The following AKAP8L variants were observed in gnomAD, a reference collection of about 807,000 sequenced individuals.
AKAP8L encodes the protein A-kinase anchoring protein 8 like.
Under a neutral mutation model 77.5 loss-of-function variants are expected in AKAP8L, and 34 were observed. The observed-to-expected ratio is 0.44, with a 90% CI of 0.33 to 0.58. The LOEUF (loss-of-function observed/expected upper bound fraction) is 0.58, where lower values mean the gene tolerates loss of function less well. Ranked by LOEUF, AKAP8L falls within the 20% of genes least tolerant of loss-of-function variation. The pLI, the probability that AKAP8L is intolerant of heterozygous loss-of-function variation, is 0.02. For missense variants in AKAP8L, 806 were observed against 887.6 expected, an observed-to-expected ratio of 0.91 and a Z score of 1.17; for synonymous variants, 342 against 340.7, an observed-to-expected ratio of 1.00 and a Z score of -0.04.
rs1967855420 is a variant in AKAP8L at position 15,399,888 on chromosome 19, G to C, written c.1048+407C>G. The C allele has an allele frequency of 6.3e-6, 2 of 318,840 alleles. No individual in the cohort carries two copies. The highest frequency in any genetic ancestry group is 4.5e-5 in the Admixed American group (1 of 22,132). 19.8% of individuals were successfully genotyped at this position (318,840 alleles called of 1,614,324 possible). A position where few individuals can be genotyped will look rare whatever the true frequency, so the allele number is the denominator to read the frequency against. On this transcript the variant is annotated intron_variant, in intron 8 of 13. Coordinates refer to ENST00000397410, the MANE Select transcript of AKAP8L (RefSeq NM_014371.4). The surrounding 1 kb of genome is among the most constrained non-coding windows in gnomAD (Gnocchi z 6.1). ...ACGGAATCCCAACAGGGGCTGGAGA[G>C]GTGCTAAGGGAGAGGATACGCACAC... is the stretch of plus-strand genomic sequence containing the variant.
chr19:15,400,217 C>G, intron 8 of AKAP8L, 78 bp downstream of exon 8: 3 of 1,492,668 alleles, frequency 2.0e-6, no homozygotes, highest in Non-Finnish European at 1.9e-6. Flanking sequence ...CTGCCGCAAC[C>G]CTGCCCTCAG....
rs1967950322 is a variant in AKAP8L, at chr19:15,403,938, A to G, written c.121+72T>C. ...TCCCCACTCCCAACCTTGGCCAAGC[A>G]GGGCAGTGGCAGAGAAACACAGCCA... On this transcript the variant is annotated intron_variant, in intron 3 of 13. Coordinates refer to ENST00000397410, the MANE Select transcript of AKAP8L (RefSeq NM_014371.4). This position sits in a 1 kb window ranked among gnomAD's most constrained non-coding sequence, Gnocchi z 4.3. 5 of 1,565,770 alleles carry G rather than the reference A, an allele frequency of 3.2e-6. No homozygotes were observed. In the South Asian group the frequency reaches 4.5e-5, roughly 14 times the overall value.
chr19:15,401,439 A>C lies in AKAP8L; in HGVS notation c.527T>G (p.Phe176Cys). Residue 176 changes from phenylalanine to cysteine, a missense_variant, in exon 5 of 14, where the codon TTC (phenylalanine) becomes TGC (cysteine). Coordinates refer to ENST00000397410, the MANE Select transcript of AKAP8L (RefSeq NM_014371.4). This position sits in a 1 kb window ranked among gnomAD's most constrained non-coding sequence, Gnocchi z 6.2. ...DQFRMRGNDT[F>C]GPRAQGWARD... Reference sequence around the variant, plus strand: ...GGCCCAGCCCTGTGCCCTGGGACCGAAGGTGTCGTTGCCACGCATGCGGAA... The same window carrying C: ...GGCCCAGCCCTGTGCCCTGGGACCGCAGGTGTCGTTGCCACGCATGCGGAA... 4 of 1,613,666 alleles carry C rather than the reference A, an allele frequency of 2.5e-6. No homozygotes were observed. Among genetic ancestry groups the C allele is most frequent in the Non-Finnish European group, 3.4e-6 (4 of 1,179,902 alleles).
chr19:15,397,361 C>A lies in AKAP8L; in HGVS notation c.1406-81G>T. 1 of 1,559,088 alleles carries A rather than the reference C, an allele frequency of 6.4e-7. No homozygotes were observed. The highest frequency in any genetic ancestry group is 8.7e-7 in the Non-Finnish European group (1 of 1,144,622). ...GTGTTCGAGAAAAAAACCACACCAG[C>A]TCCTCCTCAACTCGCCCTGCCACTT... On this transcript the variant is annotated intron_variant, in intron 11 of 13. Coordinates refer to ENST00000397410, the MANE Select transcript of AKAP8L (RefSeq NM_014371.4). The surrounding 1 kb of genome is among the most constrained non-coding windows in gnomAD (Gnocchi z 4.7).
chr19:15,389,369 G>C (rs771997816), intron 12 of AKAP8L, among the ~76,000 whole-genome samples: 3 of 152,080 alleles, frequency 2.0e-5, no homozygotes, highest in Non-Finnish European at 4.4e-5. Flanking sequence ...TCCAACATAC[G>C]GGTAATGAGC....
chr19:15,388,952 C>A (rs181830793), intron 12 of AKAP8L, among the ~76,000 whole-genome samples: 1 of 149,356 alleles, frequency 6.7e-6, no homozygotes, highest in Non-Finnish European at 1.5e-5. Flanking sequence ...CGGTGGCTCA[C>A]GCCTATAATC....
intron 12 of AKAP8L, among the ~76,000 whole-genome samples, chr19:15,391,448 ACT>A (rs1421754454): frequency 3.1e-5 from 2 of 65,180 alleles, no homozygotes; most frequent in African/African-American, 6.1e-5. Flanking sequence ...ACAGAGTGAG[ACT>A]CTGTCTCAAA....
chr19:15,414,574 C>T (rs530230203), intron 1 of AKAP8L, among the ~76,000 whole-genome samples: 3 of 151,054 alleles, frequency 2.0e-5, no homozygotes, highest in Admixed American at 6.6e-5. Flanking sequence ...CTGCAAGCTC[C>T]GCCTCCTGGG....
In AKAP8L at chr19:15,403,748, T is replaced by C. The variant is rs754359562; in HGVS notation, c.122-33A>G. The C allele has an allele frequency of 2.4e-5, 36 of 1,516,518 alleles. No individual in the cohort carries two copies. The East Asian group carries it at 7.1e-4, about 30-fold the overall frequency. The allele number at this position is 1,516,518 out of a possible 1,614,324, so 93.9% of individuals were successfully genotyped here. A position where few individuals can be genotyped will look rare whatever the true frequency, so the allele number is the denominator to read the frequency against. ...GAGGGAGACAGAGACAGACAGATGG[T>C]GGGGGCAGGCAGAGGGGAGGCAGAC... On this transcript the variant is annotated intron_variant, in intron 3 of 13. Transcript: ENST00000397410. This position sits in a 1 kb window ranked among gnomAD's most constrained non-coding sequence, Gnocchi z 4.3.
chr19:15,400,284 G>C lies in AKAP8L; in HGVS notation c.1048+11C>G. On this transcript the variant is annotated intron_variant, in intron 8 of 13. Transcript: ENST00000397410. ...AGCCGCCCTAGCACCAGGCACCCCA[G>C]GAAAACTCACCCTTCTCTGGATCCT... The C allele has an allele frequency of 6.2e-7, 1 of 1,613,774 alleles. No individual in the cohort carries two copies. The highest frequency in any genetic ancestry group is 8.5e-7 in the Non-Finnish European group (1 of 1,179,734).
rs765659856 is a variant in AKAP8L, at chr19:15,397,146, T to G, written c.1536+4A>C. On this transcript the variant is annotated splice_donor_region_variant and intron_variant, in intron 12 of 13. Coordinates refer to ENST00000397410, the MANE Select transcript of AKAP8L (RefSeq NM_014371.4). The surrounding 1 kb of genome is among the most constrained non-coding windows in gnomAD (Gnocchi z 4.7). ...GACAGAGGGAGAGCACTGTGGCCAC[T>G]CACCCTGCGGTTCCGGTTGTGATCC... 2.5e-6 allele frequency: 4 copies of G among 1,613,592 alleles called. No individual in the cohort carries two copies. The highest frequency in any genetic ancestry group is 3.4e-6 in the Non-Finnish European group (4 of 1,179,828).
At chr19:15,380,458 G>A in intron 13 of AKAP8L, 28 bp from the exon 14 acceptor site, 1 of 1,611,806 alleles carries the variant, frequency 6.2e-7, no homozygotes. Flanking sequence ...GACACTGAAG[G>A]GAGGGAGCAC....
Position 15,402,000 on chromosome 19 carries a change from G to T in AKAP8L, c.363-397C>A, listed in dbSNP as rs1389977106. ...GCACCCCAGCACCCTGCAGGATGCAGGCAGGTCCAGCACAATGAATGCGCA... is the reference window on the plus strand; with the variant it reads ...GCACCCCAGCACCCTGCAGGATGCATGCAGGTCCAGCACAATGAATGCGCA... On this transcript the variant is annotated intron_variant, in intron 4 of 13. Coordinates refer to ENST00000397410, the MANE Select transcript of AKAP8L (RefSeq NM_014371.4). The surrounding 1 kb of genome is among the most constrained non-coding windows in gnomAD (Gnocchi z 6.2). Among the ~76,000 whole-genome samples, 1 of 152,224 alleles carries T rather than the reference G, an allele frequency of 6.6e-6. No individual in the cohort carries two copies. The highest frequency in any genetic ancestry group is 2.4e-5 in the African/African-American group (1 of 41,458).
rs1034449505 is a variant in AKAP8L, at chr19:15,398,429, A to G, written c.1158-574T>C. 1 of 273,776 alleles carries G rather than the reference A, an allele frequency of 3.7e-6. No individual in the cohort carries two copies. Among genetic ancestry groups the G allele is most frequent in the African/African-American group, 2.3e-5 (1 of 43,572 alleles). The allele number at this position is 273,776 out of a possible 1,614,324, so 17.0% of individuals were successfully genotyped here. A position where few individuals can be genotyped will look rare whatever the true frequency, so the allele number is the denominator to read the frequency against. On this transcript the variant is annotated intron_variant, in intron 9 of 13. Transcript: ENST00000397410. This position sits in a 1 kb window ranked among gnomAD's most constrained non-coding sequence, Gnocchi z 9.2. Reference sequence around the variant, plus strand: ...ACCTGCTGCCTCATCTTCCTCTTCCAAGAAGAGACCAGTCTGAGCTGGAAG... The same window carrying G: ...ACCTGCTGCCTCATCTTCCTCTTCCGAGAAGAGACCAGTCTGAGCTGGAAG...
intron 2 of AKAP8L, among the ~76,000 whole-genome samples, chr19:15,406,284 T>A (rs1414291528): frequency 6.7e-6 from 1 of 148,310 alleles, no homozygotes; most frequent in Non-Finnish European, 1.5e-5. Context: ...CCCCAAGACC[T>A]GCCCTTTCTG....
chr19:15,391,302 C>A lies in AKAP8L; in HGVS notation c.1536+5848G>T, dbSNP rs967624781. Among the ~76,000 whole-genome samples the A allele has an allele frequency of 3.3e-5, 5 of 150,964 alleles. No homozygotes were observed. The East Asian group carries it at 1.0e-3, about 30-fold the overall frequency. ...TGAAACCCCATCTCTACTAAAAATA[C>A]AAAAAATTAGCTGCGCGTGGTGGCG... On this transcript the variant is annotated intron_variant, in intron 12 of 13. Transcript: ENST00000397410.
Position 15,397,087 on chromosome 19 carries a change from A to G in AKAP8L, c.1536+63T>C. 1.9e-6 allele frequency: 3 copies of G among 1,597,120 alleles called. No individual in the cohort carries two copies. The highest frequency in any genetic ancestry group is 2.6e-6 in the Non-Finnish European group (3 of 1,168,970). ...GGCTGGCAGAGGTTCCAACTGCACA[A>G]CCTCCCCAGAGGCCTCACTCAATCT... On this transcript the variant is annotated intron_variant, in intron 12 of 13. Coordinates refer to ENST00000397410, the MANE Select transcript of AKAP8L (RefSeq NM_014371.4). This position sits in a 1 kb window ranked among gnomAD's most constrained non-coding sequence, Gnocchi z 4.7.
rs1017404072 is a variant in AKAP8L, at chr19:15,404,392, G to T, written c.89-350C>A. The T allele has an allele frequency of 1.3e-5, 3 of 238,974 alleles. No homozygotes were observed. In the Admixed American group the frequency reaches 1.5e-4, roughly 12 times the overall value. 14.8% of individuals were successfully genotyped at this position (238,974 alleles called of 1,614,324 possible). A position where few individuals can be genotyped will look rare whatever the true frequency, so the allele number is the denominator to read the frequency against. Reference sequence around the variant, plus strand: ...GTTTATAGCAGAAAACCCAACCCCAGTCTCCCAAGAGTCTGCCTTAAAAGG... The same window carrying T: ...GTTTATAGCAGAAAACCCAACCCCATTCTCCCAAGAGTCTGCCTTAAAAGG... On this transcript the variant is annotated intron_variant, in intron 2 of 13. Coordinates refer to ENST00000397410, the MANE Select transcript of AKAP8L (RefSeq NM_014371.4).
intron 1 of AKAP8L, among the ~76,000 whole-genome samples, chr19:15,415,612 C>T (rs576754529): frequency 9.9e-5 from 15 of 152,036 alleles, no homozygotes; most frequent in South Asian, 4.2e-4. Context: ...GTCAGCCGGG[C>T]GCAGTGGCTC....
Sources: gnomAD v4.1 joint callset for allele counts (sites outside exome capture counted in the v4.1 genomes callset) on GRCh38, gnomAD v4.1.1 for gene constraint, Gnocchi (gnomAD v3.1) non-coding constraint, MANE v1.5 for transcripts, NCBI Gene and HGNC (gene_info 2026-07-23, HGNC 2026-07-21) for gene names.